The following MIB1 variants were observed in gnomAD, a reference collection of about 807,000 sequenced individuals.
MIB1 encodes the protein MIB E3 ubiquitin protein ligase 1.
MIB1 carries 278 observed loss-of-function variants against 124.5 expected under a neutral mutation model. The ratio of observed to expected loss-of-function variants is 2.23; its 90% CI spans 2.02 to 2.47. The LOEUF (loss-of-function observed/expected upper bound fraction) is 2.47. Ranked by LOEUF, MIB1 falls within the 30% of genes most tolerant of loss-of-function variation. MIB1 has a pLI of 0.00. For synonymous variants in MIB1, 446 were observed against 429.4 expected (o/e 1.04, Z -0.48); for missense variants, 957 against 1,254.4 (o/e 0.76, Z 3.58).
chr18:21,837,235 G>A (rs867203964), intron 12 of MIB1, among the ~76,000 whole-genome samples: 15 of 152,192 alleles, frequency 9.9e-5, no homozygotes, highest in Non-Finnish European at 1.5e-4. Flanking sequence ...AAGGCCGGGC[G>A]CAGTGGCTCA....
intron 1 of MIB1, among the ~76,000 whole-genome samples, chr18:21,747,717 C>G (rs1405854624): frequency 6.6e-6 from 1 of 152,108 alleles, no homozygotes; most frequent in East Asian, 1.9e-4. Flanking sequence ...TATTTTCGAT[C>G]CTATACTTTC....
chr18:21,743,553 C>T (rs1000436251), intron 1 of MIB1, among the ~76,000 whole-genome samples: 3 of 152,056 alleles, frequency 2.0e-5, no homozygotes, highest in South Asian at 4.1e-4. Context: ...TAGATGTTGA[C>T]TAATTGCTTT....
chr18:21,788,292 A>G (rs1232614881), intron 6 of MIB1, among the ~76,000 whole-genome samples: 1 of 152,248 alleles, frequency 6.6e-6, no homozygotes, highest in Non-Finnish European at 1.5e-5. Flanking sequence ...GATATTATAT[A>G]GAATAAGAAA....
chr18:21,746,978 C>T lies in MIB1; in HGVS notation c.229+5166C>T, dbSNP rs2040919403. Among the ~76,000 whole-genome samples, 4 of 151,894 alleles carry T rather than the reference C, an allele frequency of 2.6e-5. No individual in the cohort carries two copies. In the South Asian group the frequency reaches 8.3e-4, roughly 32 times the overall value. ...AGCTTTTCTTTATCAGAATAGAGTC[C>T]CCTATTCTGATCTGTTTCTAGAACC... On this transcript the variant is annotated intron_variant, in intron 1 of 20. Coordinates refer to ENST00000261537, the MANE Select transcript of MIB1 (RefSeq NM_020774.4).
At chr18:21,764,789 T>C (rs2041137872) in intron 1 of MIB1, among the ~76,000 whole-genome samples, 1 of 152,116 alleles carries the variant, frequency 6.6e-6, no homozygotes, top group Non-Finnish European at 1.5e-5. Context: ...CGTAAATACT[T>C]CTGATAAAAC....
chr18:21,755,067 A>AT (rs112718729), intron 1 of MIB1, among the ~76,000 whole-genome samples: 7,818 of 149,296 alleles, frequency 0.052, 395 homozygotes, highest in African/African-American at 0.13. Flanking sequence ...TCTTTAAGTC[A>AT]TTTTTTTTTC....
chr18:21,835,840 A>ACACACACACAAAC (rs1555695330), intron 12 of MIB1, among the ~76,000 whole-genome samples: 5 of 108,056 alleles, frequency 4.6e-5, no homozygotes, highest in Admixed American at 1.2e-4. Context: ...CACACACACA[A>ACACACACACAAAC]ACACACACGA....
chr18:21,731,719 G>A (rs1020049079), intron 1 of MIB1, among the ~76,000 whole-genome samples: 8 of 98,526 alleles, frequency 8.1e-5, no homozygotes, highest in African/African-American at 3.3e-4. Context: ...GCAACAGAGC[G>A]AAACCCCGTC....
At chr18:21,835,039 C>CT (rs2042013997) in intron 12 of MIB1, among the ~76,000 whole-genome samples, 1 of 152,178 alleles carries the variant, frequency 6.6e-6, no homozygotes, top group African/African-American at 2.4e-5. Context: ...CCACTCCTGG[C>CT]TAGTTGACCC....
At chr18:21,855,652 T>C (rs1408879277) in intron 18 of MIB1, among the ~76,000 whole-genome samples, 2 of 152,224 alleles carry the variant, frequency 1.3e-5, no homozygotes, top group Non-Finnish European at 2.9e-5. Context: ...GGTAACTGAC[T>C]GTTCTCCATC....
In MIB1 at chr18:21,798,228, G is replaced by A; in HGVS notation, c.1237G>A (p.Glu413Lys). ...ATCAGCCATTAGCAATGCATCTGGT[G>A]GTATGTTTTATATTGTGTTTCTTTA... ...AGSAISNASG[E>K]RLSQLLKKLF... Residue 413 changes from glutamate (E) to lysine (K), a missense_variant and splice_region_variant, in exon 8 of 21, where the codon GAA (glutamate) becomes AAA (lysine). Glu to Lys is a moderately conservative substitution (Grantham distance 56). Transcript: ENST00000261537. The A allele has an allele frequency of 1.2e-6, 2 of 1,612,582 alleles. No homozygotes were observed. The highest frequency in any genetic ancestry group is 1.7e-6 in the Non-Finnish European group (2 of 1,179,020).
At chr18:21,728,951 A>G (rs1303141340) in intron 1 of MIB1, among the ~76,000 whole-genome samples, 1 of 152,206 alleles carries the variant, frequency 6.6e-6, no homozygotes, top group Admixed American at 6.5e-5. Flanking sequence ...GTCTAATGGC[A>G]GGTATCCCAG....
At chr18:21,854,878 C>T in intron 18 of MIB1, 1 of 211,902 alleles carries the variant, frequency 4.7e-6, no homozygotes, top group South Asian at 9.0e-5. Context: ...TTGGTGCTTT[C>T]CCTACCTTCT....
At chr18:21,758,044 T>A (rs2041055006) in intron 1 of MIB1, among the ~76,000 whole-genome samples, 1 of 152,180 alleles carries the variant, frequency 6.6e-6, no homozygotes, top group African/African-American at 2.4e-5. Flanking sequence ...CTTACTAATG[T>A]TGTGTGACTT....
intron 4 of MIB1, 21 bp from the exon 5 acceptor site, chr18:21,778,082 T>C (rs747946329): frequency 6.3e-7 from 1 of 1,591,304 alleles, no homozygotes; most frequent in Non-Finnish European, 8.6e-7. Context: ...GGGTGATTTT[T>C]CTGGTTTCTT....
intron 1 of MIB1, among the ~76,000 whole-genome samples, chr18:21,705,279 C>T (rs1040491579): frequency 2.0e-5 from 3 of 152,214 alleles, no homozygotes; most frequent in Non-Finnish European, 2.9e-5. Flanking sequence ...ACATCATACT[C>T]GACTCTGAAT....
intron 1 of MIB1, among the ~76,000 whole-genome samples, chr18:21,709,745 C>T (rs1017487049): frequency 4.6e-5 from 7 of 152,152 alleles, no homozygotes; most frequent in Non-Finnish European, 8.8e-5. Context: ...AAATGTTTAC[C>T]TCAAGCATGT....
chr18:21,732,351 T>TACACACACACACAC (rs59731612), intron 1 of MIB1, among the ~76,000 whole-genome samples: 79 of 141,056 alleles, frequency 5.6e-4, no homozygotes, highest in East Asian at 5.1e-3. Flanking sequence ...ATTATATGTA[T>TACACACACACACAC]ACACACACAC....
rs565781063 is a variant in MIB1 at position 21,821,759 on chromosome 18, C to T, written c.1829+2113C>T. On this transcript the variant is annotated intron_variant, in intron 12 of 20. Transcript: ENST00000261537. The stretch of plus-strand genomic sequence containing the variant: ...GACTACAGGCTCCCACCACCATGCC[C>T]GGCTAATTTTTTTTGTATTTTTTAG... 9.9e-5 allele frequency among the ~76,000 whole-genome samples: 15 copies of T among 152,014 alleles called. No individual in the cohort carries two copies. In the South Asian group the frequency reaches 1.7e-3, roughly 17 times the overall value.
Sources: gnomAD v4.1 joint callset for allele counts (sites outside exome capture counted in the v4.1 genomes callset) on GRCh38, gnomAD v4.1.1 for gene constraint, MANE v1.5 for transcripts, NCBI Gene and HGNC (gene_info 2026-07-23, HGNC 2026-07-21) for gene names.